CLIC5: variants seen among roughly 807,000 people sequenced by gnomAD.
The protein encoded by CLIC5 is CLIC family member 5, also known as chloride intracellular channel protein 5.
CLIC5 carries 20 observed loss-of-function variants against 24.7 expected under a neutral mutation model. The ratio of observed to expected loss-of-function variants is 0.81; its 90% CI spans 0.57 to 1.18. The LOEUF is 1.18. Ranked by LOEUF, CLIC5 falls within the 50% of genes most tolerant of loss-of-function variation. CLIC5 has a pLI of 0.00. For synonymous variants in CLIC5, 159 were observed against 135.6 expected, an observed-to-expected ratio of 1.17 and a Z score of -1.20; for missense variants, 341 against 326.1, an observed-to-expected ratio of 1.05 and a Z score of -0.35.
chr6:46,059,821 AATC>A (rs1210127468), intron 1 of CLIC5, among the ~76,000 whole-genome samples: 7 of 148,354 alleles, frequency 4.7e-5, no homozygotes, highest in Admixed American at 6.7e-5. Context: ...GAAGTATAAT[AATC>A]ACCCCTCTCA....
At chr6:45,928,100 C>T (rs1050269081) in intron 4 of CLIC5, among the ~76,000 whole-genome samples, 1 of 152,082 alleles carries the variant, frequency 6.6e-6, no homozygotes, top group Admixed American at 6.5e-5. Flanking sequence ...TGCAAGACGG[C>T]GCTGGAGCAG....
At chr6:46,076,221 C>T (rs761214291) in intron 1 of CLIC5, among the ~76,000 whole-genome samples, 1 of 152,196 alleles carries the variant, frequency 6.6e-6, no homozygotes, top group African/African-American at 2.4e-5. Flanking sequence ...AGCCTCATCT[C>T]CTACCACCTT....
chr6:46,000,910 C>A lies in CLIC5; in HGVS notation c.63+14570G>T, dbSNP rs182196983. Among the ~76,000 whole-genome samples the A allele has an allele frequency of 1.1e-4, 17 of 152,290 alleles. 1 individual carries two copies. Among genetic ancestry groups the A allele is most frequent in the African/African-American group, 2.9e-4 (12 of 41,554 alleles). ...CTTTTTCCAGCTCTTCATTGACCAT[C>A]CCCCATGTCACAAACCTCTTGTCAA... On this transcript the variant is annotated intron_variant, in intron 1 of 5. Transcript: ENST00000339561.
At chr6:45,931,822 C>T (rs942202121) in intron 4 of CLIC5, among the ~76,000 whole-genome samples, 5 of 152,214 alleles carry the variant, frequency 3.3e-5, no homozygotes, top group Admixed American at 3.3e-4. Context: ...CCATGCTCGG[C>T]TAATTTTTTT....
At chr6:45,880,886 A>G, downstream of CLIC5, 1 of 362,572 alleles carries the variant, frequency 2.8e-6, no homozygotes, top group Non-Finnish European at 4.9e-6. Flanking sequence ...CGTTGCCCAG[A>G]AAATCAGAAT....
At chr6:45,906,066 CTA>C (rs1762652063) in intron 5 of CLIC5, among the ~76,000 whole-genome samples, 1 of 152,124 alleles carries the variant, frequency 6.6e-6, no homozygotes, top group East Asian at 1.9e-4. Flanking sequence ...TTCCATTCAT[CTA>C]TGTGTCTGTT....
At chr6:46,115,008 G>C in the CLIC5 span, among the ~76,000 whole-genome samples, 1 of 152,218 alleles carries the variant, frequency 6.6e-6, no homozygotes, top group African/African-American at 2.4e-5. Flanking sequence ...GAGTTATGTG[G>C]AGAGAAAAGG....
intron 5 of CLIC5, chr6:45,913,816 T>C (rs942561405): frequency 4.9e-6 from 6 of 1,231,384 alleles, no homozygotes; most frequent in Middle Eastern, 3.1e-4. Flanking sequence ...GGTGGGTCTG[T>C]GCACAAAGAA....
At position 46,039,985 on chromosome 6, in the gene CLIC5, C is replaced by A. The variant is rs185648254; in HGVS notation, c.540+39718G>T. On this transcript the variant is annotated intron_variant, in intron 1 of 5. Coordinates refer to the CLIC5 transcript ENST00000185206. ...CAGATAGATGTAGATATGGATCCTGCCTTGCCACTTTTTAGCTGTGTCTTT... is the reference window on the plus strand; with the variant it reads ...CAGATAGATGTAGATATGGATCCTGACTTGCCACTTTTTAGCTGTGTCTTT... 1.3e-3 allele frequency among the ~76,000 whole-genome samples: 192 copies of A among 152,326 alleles called. 5 individuals carry two copies. In the South Asian group the frequency reaches 0.03, roughly 24 times the overall value.
chr6:45,928,467 C>T (rs1345655747), intron 4 of CLIC5, among the ~76,000 whole-genome samples: 2 of 152,176 alleles, frequency 1.3e-5, no homozygotes, highest in African/African-American at 4.8e-5. Flanking sequence ...TACGTCCTAA[C>T]CACAGACAAG....
At chr6:46,014,063 C>T (rs752758795) in intron 1 of CLIC5, among the ~76,000 whole-genome samples, 5 of 152,064 alleles carry the variant, frequency 3.3e-5, no homozygotes. Flanking sequence ...GTCCCAGAAA[C>T]CAAAGGAGCA....
intron 4 of CLIC5, among the ~76,000 whole-genome samples, chr6:45,915,147 C>T (rs923454473): frequency 1.3e-5 from 2 of 151,814 alleles, no homozygotes; most frequent in Non-Finnish European, 2.9e-5. Context: ...CCAATATGGT[C>T]TCGATCTCCT....
chr6:46,083,614 T>G (rs10948279), upstream of CLIC5, among the ~76,000 whole-genome samples: 24,061 of 149,348 alleles, frequency 0.16, 2,134 homozygotes, highest in South Asian at 0.34. Flanking sequence ...CTGAGTTCTA[T>G]TTTGATTGCA....
chr6:46,035,668 A>C (rs1044589135), intron 1 of CLIC5, among the ~76,000 whole-genome samples: 1 of 152,202 alleles, frequency 6.6e-6, no homozygotes, highest in African/African-American at 2.4e-5. Flanking sequence ...CTTACTCTAA[A>C]GGACAATAGT....
chr6:45,951,237 C>T (rs553248750), intron 2 of CLIC5, among the ~76,000 whole-genome samples: 1 of 152,322 alleles, frequency 6.6e-6, no homozygotes, highest in East Asian at 1.9e-4. Context: ...CAGTGCATTT[C>T]TCCCCCCTGG....
chr6:46,082,833 T>C (rs953313744), upstream of CLIC5, among the ~76,000 whole-genome samples: 5 of 152,166 alleles, frequency 3.3e-5, no homozygotes, highest in African/African-American at 1.2e-4. Context: ...TTTATCACCC[T>C]CTAATAAGAT....
At chr6:45,934,858 A>T (rs1333920890) in intron 4 of CLIC5, among the ~76,000 whole-genome samples, 1 of 152,208 alleles carries the variant, frequency 6.6e-6, no homozygotes, top group Non-Finnish European at 1.5e-5. Context: ...AGAAATTTTA[A>T]AAAGGGGTAG....
At chr6:46,057,833 A>G (rs1350764396) in intron 1 of CLIC5, among the ~76,000 whole-genome samples, 1 of 152,274 alleles carries the variant, frequency 6.6e-6, no homozygotes, top group Non-Finnish European at 1.5e-5. Context: ...AGCTGTGCCC[A>G]TCTCTTTCCA....
chr6:46,029,030 G>C (rs1172778690), intron 1 of CLIC5, among the ~76,000 whole-genome samples: 1 of 151,702 alleles, frequency 6.6e-6, no homozygotes, highest in Non-Finnish European at 1.5e-5. Context: ...CCATAGTTTC[G>C]CTTTCCCAGA....
Sources: gnomAD v4.1 joint callset for allele counts (sites outside exome capture counted in the v4.1 genomes callset) on GRCh38, gnomAD v4.1.1 for gene constraint, MANE v1.5 for transcripts, NCBI Gene and HGNC (gene_info 2026-07-23, HGNC 2026-07-21) for gene names.